The following GRIK2 variants were observed in gnomAD, a reference collection of about 807,000 sequenced individuals.
GRIK2 encodes glutamate ionotropic receptor kainate type subunit 2, also known as glutamate receptor ionotropic, kainate 2.
In GRIK2, 32 loss-of-function variants were observed where a neutral mutation model predicts 100.3. That is an observed-to-expected ratio of 0.32 (90% confidence interval 0.24 to 0.43). GRIK2 has a LOEUF of 0.43. Among genes scored for constraint, GRIK2 ranks in the 20% least tolerant of loss-of-function variants. The pLI, the probability that GRIK2 is intolerant of heterozygous loss-of-function variation, is 1.00. For synonymous variants in GRIK2, 417 were observed against 389.4 expected (o/e 1.07, Z -0.83); for missense variants, 843 against 1,114.9 (o/e 0.76, Z 3.47).
At chr6:101,750,062 GC>G (rs1182766245) in intron 7 of GRIK2, among the ~76,000 whole-genome samples, 1 of 151,652 alleles carries the variant, frequency 6.6e-6, no homozygotes, top group African/African-American at 2.4e-5. Flanking sequence ...TGATCCTTCT[GC>G]CTAGGCCTCC....
chr6:102,035,620 G>C, intron 15 of GRIK2, 54 bp downstream of exon 15: 1 of 1,076,490 alleles, frequency 9.3e-7, no homozygotes, highest in South Asian at 1.3e-5. Flanking sequence ...GTTGCTGTAA[G>C]ACAGGGGAAA....
chr6:102,062,226 T>A (rs929431772), intron 16 of GRIK2, among the ~76,000 whole-genome samples: 6 of 150,560 alleles, frequency 4.0e-5, no homozygotes, highest in Admixed American at 6.6e-5. Context: ...CATAACATGA[T>A]TTATAATTTA....
chr6:101,795,780 A>G (rs1583169341), intron 7 of GRIK2, among the ~76,000 whole-genome samples: 1 of 152,044 alleles, frequency 6.6e-6, no homozygotes, highest in African/African-American at 2.4e-5. Flanking sequence ...TACTTGGGGG[A>G]TAGTGCCAGG....
intron 2 of GRIK2, among the ~76,000 whole-genome samples, chr6:101,409,282 G>T (rs904937981): frequency 5.9e-5 from 9 of 152,012 alleles, no homozygotes; most frequent in African/African-American, 1.9e-4. Context: ...AGACAGGTTT[G>T]CAGCCTAGGA....
intron 10 of GRIK2, among the ~76,000 whole-genome samples, chr6:101,819,120 C>T (rs747700137): frequency 6.6e-6 from 1 of 152,030 alleles, no homozygotes; most frequent in Non-Finnish European, 1.5e-5. Flanking sequence ...CAGTAATGTT[C>T]GCTTATGCCC....
intron 2 of GRIK2, among the ~76,000 whole-genome samples, chr6:101,437,743 C>G (rs557357713): frequency 6.6e-6 from 1 of 152,084 alleles, no homozygotes; most frequent in Non-Finnish European, 1.5e-5. Context: ...TTCCTCTGAG[C>G]TTCAGATCCT....
At chr6:101,426,335 T>C (rs1165191497) in intron 2 of GRIK2, among the ~76,000 whole-genome samples, 1 of 152,184 alleles carries the variant, frequency 6.6e-6, no homozygotes, top group Non-Finnish European at 1.5e-5. Flanking sequence ...ATGGGGAAGA[T>C]TACAGAGTGT....
intron 9 of GRIK2, among the ~76,000 whole-genome samples, chr6:101,804,896 G>C (rs1280310733): frequency 6.6e-6 from 1 of 151,848 alleles, no homozygotes; most frequent in Non-Finnish European, 1.5e-5. Flanking sequence ...GACTTAGAAG[G>C]AACAAAATGC....
At chr6:101,559,926 T>C (rs1449674254) in intron 2 of GRIK2, among the ~76,000 whole-genome samples, 1 of 152,060 alleles carries the variant, frequency 6.6e-6, no homozygotes, top group African/African-American at 2.4e-5. Flanking sequence ...GTTTTTGAGA[T>C]CCTATAGCAG....
At chr6:101,542,025 T>C (rs1402023450) in intron 2 of GRIK2, among the ~76,000 whole-genome samples, 1 of 152,128 alleles carries the variant, frequency 6.6e-6, no homozygotes, top group Non-Finnish European at 1.5e-5. Context: ...TTATTCTGTT[T>C]GTATTCTCAT....
At chr6:101,422,912 T>C (rs1402343416) in intron 2 of GRIK2, among the ~76,000 whole-genome samples, 1 of 152,184 alleles carries the variant, frequency 6.6e-6, no homozygotes, top group African/African-American at 2.4e-5. Flanking sequence ...TTACAGTGCA[T>C]TTTTTCTTAT....
intron 7 of GRIK2, among the ~76,000 whole-genome samples, chr6:101,757,641 TAA>T (rs1777220430): frequency 6.6e-6 from 1 of 152,116 alleles, no homozygotes; most frequent in South Asian, 2.1e-4. Flanking sequence ...CTTCAAACAA[TAA>T]AGTCTGGCTT....
At chr6:101,663,145 A>C (rs1008123744) in intron 4 of GRIK2, among the ~76,000 whole-genome samples, 1 of 152,172 alleles carries the variant, frequency 6.6e-6, no homozygotes, top group African/African-American at 2.4e-5. Flanking sequence ...CATCAATGTC[A>C]ACGTTAAATC....
chr6:101,481,814 G>A (rs1377951776), intron 2 of GRIK2, among the ~76,000 whole-genome samples: 4 of 152,094 alleles, frequency 2.6e-5, no homozygotes, highest in African/African-American at 9.7e-5. Context: ...ATCCCCACGT[G>A]TCAAGGGGAG....
intron 5 of GRIK2, among the ~76,000 whole-genome samples, chr6:101,682,074 T>C (rs1771299436): frequency 6.6e-6 from 1 of 152,208 alleles, no homozygotes; most frequent in Non-Finnish European, 1.5e-5. Flanking sequence ...ATAAGAGTGG[T>C]AATTTACATT....
At chr6:101,422,847 A>T (rs1016876956) in intron 2 of GRIK2, among the ~76,000 whole-genome samples, 5 of 152,174 alleles carry the variant, frequency 3.3e-5, no homozygotes, top group African/African-American at 7.2e-5. Context: ...TTATGTGAAT[A>T]CATATGTGGA....
intron 2 of GRIK2, among the ~76,000 whole-genome samples, chr6:101,591,299 G>C (rs1179863311): frequency 7.3e-6 from 1 of 137,546 alleles, no homozygotes; most frequent in East Asian, 2.1e-4. Flanking sequence ...TTTTTTTTTT[G>C]CTCTTCTAAT....
intron 4 of GRIK2, among the ~76,000 whole-genome samples, chr6:101,672,781 A>G (rs1770537925): frequency 6.6e-6 from 1 of 152,066 alleles, no homozygotes; most frequent in Non-Finnish European, 1.5e-5. Context: ...CCATGGTCTC[A>G]TTTTTATGGC....
chr6:101,578,957 C>A (rs772666515), intron 2 of GRIK2, among the ~76,000 whole-genome samples: 4 of 152,156 alleles, frequency 2.6e-5, no homozygotes, highest in Non-Finnish European at 4.4e-5. Flanking sequence ...TGAGGTGTGA[C>A]TGCAGGCATT....
Sources: allele counts gnomAD v4.1 joint callset (sites outside exome capture counted in the v4.1 genomes callset), GRCh38; gene constraint gnomAD v4.1.1; transcripts MANE v1.5; gene names NCBI Gene and HGNC (gene_info 2026-07-23, HGNC 2026-07-21).